Variants in SEMA5A observed in about 807,000 individuals in gnomAD.
SEMA5A encodes semaphorin-5A.
In SEMA5A, 55 loss-of-function variants were observed where a neutral mutation model predicts 135.5. That is an observed-to-expected ratio of 0.41 (90% CI 0.33 to 0.51). The LOEUF is 0.51. SEMA5A is among the 20% of genes least tolerant of loss of function. The probability of loss-of-function intolerance (pLI) is 0.37; values close to 1 mark genes in which losing one functional copy is unlikely to be tolerated. For synonymous variants in SEMA5A, 580 were observed against 546.5 expected, an observed-to-expected ratio of 1.06 and a Z score of -0.85; for missense variants, 1,290 against 1,419.9, an observed-to-expected ratio of 0.91 and a Z score of 1.47.
At chr5:9,430,849 T>G (rs538842744) in intron 2 of SEMA5A, among the ~76,000 whole-genome samples, 138 of 146,684 alleles carry the variant, frequency 9.4e-4, no homozygotes, top group African/African-American at 2.6e-3. Context: ...TTGTTTTTTG[T>G]TTTTTTTTTA....
At chr5:9,192,775 G>A (rs923860883) in intron 10 of SEMA5A, among the ~76,000 whole-genome samples, 31 of 152,216 alleles carry the variant, frequency 2.0e-4, no homozygotes, top group African/African-American at 7.5e-4. Flanking sequence ...TTACATTCCT[G>A]AAATCAGTGG....
In SEMA5A at chr5:9,100,677, CT is replaced by C. The variant is rs373166080; in HGVS notation, c.2073+7462del. 2.8e-3 allele frequency among the ~76,000 whole-genome samples: 432 copies of C among 152,308 alleles called. 1 individual carries two copies. The highest frequency in any genetic ancestry group is 0.01 in the African/African-American group (416 of 41,578). On this transcript the variant is annotated intron_variant, in intron 16 of 22. Coordinates refer to ENST00000382496, the MANE Select transcript of SEMA5A (RefSeq NM_003966.3). ...AACCCCTGTCTTGTCTCAAAATCTA[CT>C]TTAAACAGGGGCCAAGCTATGATGC...
At chr5:9,383,410 C>G (rs981617366) in intron 2 of SEMA5A, among the ~76,000 whole-genome samples, 10 of 152,170 alleles carry the variant, frequency 6.6e-5, no homozygotes, top group Non-Finnish European at 1.5e-5. Flanking sequence ...CACATCAAAA[C>G]AGATCAGCAA....
At chr5:9,073,836 A>C (rs1182477456) in intron 16 of SEMA5A, among the ~76,000 whole-genome samples, 1 of 152,148 alleles carries the variant, frequency 6.6e-6, no homozygotes, top group Non-Finnish European at 1.5e-5. Flanking sequence ...CCAGAAATTA[A>C]AATTTTAAAA....
intron 13 of SEMA5A, among the ~76,000 whole-genome samples, chr5:9,135,118 TG>T (rs1368234197): frequency 6.6e-6 from 1 of 151,796 alleles, no homozygotes; most frequent in Non-Finnish European, 1.5e-5. Context: ...GAAATGACAC[TG>T]GTTTGAATAG....
chr5:9,299,604 A>G (rs1751511468), intron 5 of SEMA5A, among the ~76,000 whole-genome samples: 1 of 152,212 alleles, frequency 6.6e-6, no homozygotes, highest in Non-Finnish European at 1.5e-5. Context: ...CAACCTTGCC[A>G]GCGTTGGGCT....
chr5:9,175,116 G>T (rs984976137), intron 11 of SEMA5A, among the ~76,000 whole-genome samples: 2 of 152,122 alleles, frequency 1.3e-5, no homozygotes, highest in African/African-American at 4.8e-5. Context: ...AGCAGCAAGT[G>T]GGGGTGTGGT....
At chr5:9,385,922 C>T (rs1020042666) in intron 2 of SEMA5A, among the ~76,000 whole-genome samples, 1 of 151,304 alleles carries the variant, frequency 6.6e-6, no homozygotes, top group African/African-American at 2.4e-5. Context: ...CTGCCTCAGC[C>T]TCTTGAGTAG....
At chr5:9,289,756 T>C (rs1325925521) in intron 5 of SEMA5A, among the ~76,000 whole-genome samples, 1 of 152,210 alleles carries the variant, frequency 6.6e-6, no homozygotes, top group Non-Finnish European at 1.5e-5. Flanking sequence ...AATTAGACAA[T>C]GTTTTTTGTT....
At chr5:9,225,444 C>T (rs2150418463) in intron 7 of SEMA5A, among the ~76,000 whole-genome samples, 1 of 147,490 alleles carries the variant, frequency 6.8e-6, no homozygotes, top group Admixed American at 6.8e-5. Flanking sequence ...TGGCATGCAC[C>T]TGTAGTCCCA....
At chr5:9,456,053 C>T (rs1758821664) in intron 1 of SEMA5A, among the ~76,000 whole-genome samples, 1 of 152,146 alleles carries the variant, frequency 6.6e-6, no homozygotes, top group Non-Finnish European at 1.5e-5. Flanking sequence ...AAGTCTCTGC[C>T]AAAGACAGAA....
chr5:9,147,989 GC>G (rs1742434165), intron 12 of SEMA5A, among the ~76,000 whole-genome samples: 1 of 152,182 alleles, frequency 6.6e-6, no homozygotes, highest in East Asian at 1.9e-4. Context: ...GGAAGCCCAG[GC>G]TTTGGGAGCT....
At chr5:9,117,428 T>C (rs768602940) in intron 15 of SEMA5A, among the ~76,000 whole-genome samples, 9 of 152,212 alleles carry the variant, frequency 5.9e-5, no homozygotes, top group Non-Finnish European at 8.8e-5. Context: ...GGATTTCACA[T>C]TGTTTCAGAT....
At chr5:9,300,573 T>G (rs2150609607) in intron 5 of SEMA5A, among the ~76,000 whole-genome samples, 1 of 152,310 alleles carries the variant, frequency 6.6e-6, no homozygotes, top group South Asian at 2.1e-4. Flanking sequence ...TCTGAAGATC[T>G]CCTGAATACT....
At chr5:9,389,376 T>C (rs1481870458) in intron 2 of SEMA5A, among the ~76,000 whole-genome samples, 6 of 152,150 alleles carry the variant, frequency 3.9e-5, no homozygotes, top group Non-Finnish European at 7.4e-5. Context: ...CCTCTGTATA[T>C]AATCTAGACT....
rs144217326 is a variant in SEMA5A, at chr5:9,197,214, G to T, written c.1022C>A (p.Ser341Ter). The T allele has an allele frequency of 1.2e-6, 2 of 1,614,236 alleles. No homozygotes were observed. Among genetic ancestry groups the T allele is most frequent in the East Asian group, 2.2e-5 (1 of 44,876 alleles). ...FSGPFKYQENSRSAWLPYPNP... is the reference protein window; with the variant it reads ...FSGPFKYQEN Reference sequence around the variant, plus strand: ...GGGATACGGTAGCCAGGCCGAGCGCGAGTTTTCTTGGTACTTGAAGGGCCC... The same window carrying T: ...GGGATACGGTAGCCAGGCCGAGCGCTAGTTTTCTTGGTACTTGAAGGGCCC... Residue 341 changes from serine (S) to a stop codon, truncating the protein, a stop_gained, in exon 10 of 23, where the codon TCG (serine) becomes TAG (stop). Coordinates refer to ENST00000382496, the MANE Select transcript of SEMA5A (RefSeq NM_003966.3). LOFTEE classifies it high-confidence loss of function.
rs567258845 is a variant in SEMA5A at position 9,441,105 on chromosome 5, C to G, written c.-174-3253G>C. Among the ~76,000 whole-genome samples, 3 of 152,316 alleles carry G rather than the reference C, an allele frequency of 2.0e-5. No individual in the cohort carries two copies. The East Asian group carries it at 5.8e-4, about 29-fold the overall frequency. On this transcript the variant is annotated intron_variant, in intron 1 of 22. Coordinates refer to ENST00000382496, the MANE Select transcript of SEMA5A (RefSeq NM_003966.3). Reference sequence around the variant, plus strand: ...ATCAGTCCCTCCGTTAATCACCATGCACAGCACAGCCCCATGGCCACACAT... The same window carrying G: ...ATCAGTCCCTCCGTTAATCACCATGGACAGCACAGCCCCATGGCCACACAT...
intron 3 of SEMA5A, among the ~76,000 whole-genome samples, chr5:9,364,368 A>C (rs1754827058): frequency 6.6e-6 from 1 of 152,156 alleles, no homozygotes; most frequent in African/African-American, 2.4e-5. Context: ...TGTAATTCCT[A>C]CTACATATCT....
intron 16 of SEMA5A, among the ~76,000 whole-genome samples, chr5:9,079,830 A>G (rs1396550105): frequency 1.3e-5 from 2 of 152,236 alleles, no homozygotes. Context: ...AGAAATGCAA[A>G]CCAAAAACAC....
Sources: allele counts gnomAD v4.1 joint callset (sites outside exome capture counted in the v4.1 genomes callset), GRCh38; gene constraint gnomAD v4.1.1; transcripts MANE v1.5; gene names NCBI Gene and HGNC (gene_info 2026-07-23, HGNC 2026-07-21).